GMDS: variants seen among roughly 807,000 people sequenced by gnomAD.
GMDS encodes the protein GDP-mannose 4,6 dehydratase.
GMDS carries 20 observed loss-of-function variants against 49.9 expected under a neutral mutation model. The ratio of observed to expected loss-of-function variants is 0.40; its 90% CI spans 0.28 to 0.58. GMDS has a LOEUF of 0.58. GMDS is among the 20% of genes least tolerant of loss of function. The pLI is 0.42. For missense variants in GMDS, 362 were observed against 481.4 expected (o/e 0.75, Z 2.32); for synonymous variants, 177 against 178.6 (o/e 0.99, Z 0.07).
intron 7 of GMDS, among the ~76,000 whole-genome samples, chr6:1,877,751 C>T (rs1438938831): frequency 6.6e-6 from 1 of 151,810 alleles, no homozygotes; most frequent in South Asian, 2.1e-4. Flanking sequence ...GTTTCTCTGG[C>T]CACCTGGCAC....
At chr6:1,789,450 A>G (rs185910608) in intron 7 of GMDS, among the ~76,000 whole-genome samples, 68 of 152,226 alleles carry the variant, frequency 4.5e-4, no homozygotes, top group African/African-American at 1.6e-3. Flanking sequence ...TCTCCCTCCT[A>G]GGAATCAGGA....
chr6:1,713,560 A>G (rs1766056892), intron 9 of GMDS, among the ~76,000 whole-genome samples: 2 of 152,212 alleles, frequency 1.3e-5, no homozygotes, highest in South Asian at 2.1e-4. Flanking sequence ...CATGAAGATA[A>G]TATTTCGTCT....
chr6:1,776,151 C>T (rs529232049), intron 7 of GMDS, among the ~76,000 whole-genome samples: 3 of 152,296 alleles, frequency 2.0e-5, no homozygotes, highest in Admixed American at 2.0e-4. Context: ...GTTGACTATA[C>T]ACCAGGCTCA....
At chr6:2,236,654 A>G (rs986254011) in intron 1 of GMDS, among the ~76,000 whole-genome samples, 5 of 152,246 alleles carry the variant, frequency 3.3e-5, no homozygotes, top group African/African-American at 4.8e-5. Context: ...TATAGTTCGA[A>G]TAAAGCAATA....
intron 1 of GMDS, among the ~76,000 whole-genome samples, chr6:2,212,840 C>A (rs2127584088): frequency 6.6e-6 from 1 of 152,082 alleles, no homozygotes; most frequent in East Asian, 1.9e-4. Flanking sequence ...GTGTCATCCT[C>A]TGGAAAGCTT....
Position 2,129,019 on chromosome 6 carries a change from A to G in GMDS, c.103-4288T>C, listed in dbSNP as rs151214213. 5.7e-3 allele frequency among the ~76,000 whole-genome samples: 865 copies of G among 152,292 alleles called. 2 individuals carry two copies. The highest frequency in any genetic ancestry group is 0.017 in the Middle Eastern group (5 of 294). Reference sequence around the variant, plus strand: ...ATGGGGCCAGGTTTCAGTGTTCCTGACGCCTATCCTGTTCTTCCGAGGGGA... The same window carrying G: ...ATGGGGCCAGGTTTCAGTGTTCCTGGCGCCTATCCTGTTCTTCCGAGGGGA... On this transcript the variant is annotated intron_variant, in intron 1 of 10. Transcript: ENST00000380815.
intron 1 of GMDS, among the ~76,000 whole-genome samples, chr6:2,161,388 G>A (rs1230246211): frequency 2.0e-5 from 3 of 152,136 alleles, no homozygotes; most frequent in African/African-American, 7.2e-5. Flanking sequence ...GAAACAAGCT[G>A]TTAAATAGTA....
chr6:1,817,845 C>T (rs1770733707), intron 7 of GMDS, among the ~76,000 whole-genome samples: 2 of 152,144 alleles, frequency 1.3e-5, no homozygotes, highest in Admixed American at 1.3e-4. Flanking sequence ...GGAAAAGCAA[C>T]CCATTCCCAG....
intron 7 of GMDS, among the ~76,000 whole-genome samples, chr6:1,809,133 T>A (rs949284574): frequency 1.3e-5 from 2 of 152,224 alleles, no homozygotes; most frequent in African/African-American, 4.8e-5. Context: ...GATTTATGTT[T>A]TTTCAACATA....
intron 9 of GMDS, among the ~76,000 whole-genome samples, chr6:1,643,103 A>G (rs763933666): frequency 6.6e-6 from 1 of 152,196 alleles, no homozygotes; most frequent in Non-Finnish European, 1.5e-5. Context: ...TCCCCAGAGA[A>G]ACTGGTGATT....
At chr6:1,716,589 G>A (rs1766183414) in intron 9 of GMDS, among the ~76,000 whole-genome samples, 1 of 152,192 alleles carries the variant, frequency 6.6e-6, no homozygotes. Flanking sequence ...TGGCCTGCTG[G>A]CTGCGTGAGA....
intron 7 of GMDS, among the ~76,000 whole-genome samples, chr6:1,876,350 G>A (rs535936364): frequency 2.0e-5 from 3 of 152,286 alleles, no homozygotes; most frequent in Admixed American, 6.5e-5. Context: ...AAAAAAAGAC[G>A]TGTTTGAAGT....
chr6:2,232,696 A>C (rs574535603), intron 1 of GMDS, among the ~76,000 whole-genome samples: 4 of 152,296 alleles, frequency 2.6e-5, no homozygotes, highest in African/African-American at 9.6e-5. Flanking sequence ...AGCACCCAAA[A>C]TCACGCTGCG....
intron 4 of GMDS, among the ~76,000 whole-genome samples, chr6:1,973,409 A>T (rs544544512): frequency 6.6e-6 from 1 of 152,352 alleles, no homozygotes; most frequent in South Asian, 2.1e-4. Context: ...GAGTGATAGC[A>T]CAGGAGTGAA....
intron 7 of GMDS, among the ~76,000 whole-genome samples, chr6:1,905,246 C>T (rs140657902): frequency 7.2e-5 from 11 of 152,206 alleles, no homozygotes; most frequent in Non-Finnish European, 1.2e-4. Context: ...GGGCACTGGC[C>T]GGTGTCATTA....
At chr6:2,089,488 G>A (rs899178640) in intron 4 of GMDS, among the ~76,000 whole-genome samples, 2 of 152,074 alleles carry the variant, frequency 1.3e-5, no homozygotes, top group African/African-American at 4.8e-5. Context: ...TTGAAGAAGG[G>A]AGAATAGATA....
At position 2,166,096 on chromosome 6, in the gene GMDS, C is replaced by T. The variant is rs114982298; in HGVS notation, c.103-41365G>A. On this transcript the variant is annotated intron_variant, in intron 1 of 10. Coordinates refer to ENST00000380815, the MANE Select transcript of GMDS (RefSeq NM_001500.4). Reference sequence around the variant, plus strand: ...CAAGCAAAGCATTCAACAGGAAAAACAAAAAAGAAGCAAGAAAACAGAGAA... The same window carrying T: ...CAAGCAAAGCATTCAACAGGAAAAATAAAAAAGAAGCAAGAAAACAGAGAA... Among the ~76,000 whole-genome samples the T allele has an allele frequency of 5.7e-3, 866 of 152,148 alleles. 2 individuals carry two copies. The highest frequency in any genetic ancestry group is 0.017 in the Middle Eastern group (5 of 294).
At chr6:1,875,937 G>T (rs115836517) in intron 7 of GMDS, among the ~76,000 whole-genome samples, 4,252 of 150,836 alleles carry the variant, frequency 0.028, 197 homozygotes, top group African/African-American at 0.098. Context: ...AGAATCCCTT[G>T]AACCCAGAAG....
At chr6:2,182,267 CA>C (rs1214706312) in intron 1 of GMDS, among the ~76,000 whole-genome samples, 1 of 152,110 alleles carries the variant, frequency 6.6e-6, no homozygotes, top group Non-Finnish European at 1.5e-5. Flanking sequence ...TTCATGGGGC[CA>C]AAGTGAAAAA....
Sources: allele counts gnomAD v4.1 joint callset (sites outside exome capture counted in the v4.1 genomes callset), GRCh38; gene constraint gnomAD v4.1.1; transcripts MANE v1.5; gene names NCBI Gene and HGNC (gene_info 2026-07-23, HGNC 2026-07-21).